Variants in ATXN3 observed in about 807,000 individuals in gnomAD.
The protein encoded by ATXN3 is ataxin-3.
ATXN3 carries 28 observed loss-of-function variants against 58.2 expected under a neutral mutation model. That is an observed-to-expected ratio of 0.48 (90% CI 0.36 to 0.66). The LOEUF is 0.66. Ranked by LOEUF, ATXN3 falls within the 30% of genes least tolerant of loss-of-function variation. ATXN3 has a pLI of 0.00. For synonymous variants in ATXN3, 113 were observed against 138.5 expected (o/e 0.82, Z 1.29); for missense variants, 321 against 422.1 (o/e 0.76, Z 2.10).
chr14:92,068,677 G>A (rs1220311173), intron 10 of ATXN3, among the ~76,000 whole-genome samples: 1 of 151,872 alleles, frequency 6.6e-6, no homozygotes, highest in Non-Finnish European at 1.5e-5. Flanking sequence ...TGCAACCTTC[G>A]CTTCCCGGGA....
chr14:92,099,338 G>C (rs2066165051), intron 1 of ATXN3, among the ~76,000 whole-genome samples: 1 of 152,188 alleles, frequency 6.6e-6, no homozygotes, highest in Admixed American at 6.5e-5. Context: ...GTGTATAATG[G>C]AATAGGAAGA....
downstream of ATXN3, among the ~76,000 whole-genome samples, chr14:92,057,031 G>A (rs894946242): frequency 6.6e-6 from 1 of 152,200 alleles, no homozygotes; most frequent in South Asian, 2.1e-4. Flanking sequence ...ACTCCCATTG[G>A]CACCATGACA....
chr14:92,058,173 C>CT (rs1254165415), downstream of ATXN3: 1 of 152,212 alleles, frequency 6.6e-6, no homozygotes, highest in African/African-American at 2.4e-5. Context: ...ATATTCATCA[C>CT]TGCAGCTGGT....
At chr14:92,067,581 G>C (rs2058671188) in intron 10 of ATXN3, among the ~76,000 whole-genome samples, 1 of 152,168 alleles carries the variant, frequency 6.6e-6, no homozygotes, top group Non-Finnish European at 1.5e-5. Flanking sequence ...ATTTTTAGTA[G>C]AGACAGGGTT....
chr14:92,098,706 T>C lies in ATXN3; in HGVS notation c.25-1868A>G, dbSNP rs989091553. Among the ~76,000 whole-genome samples the C allele has an allele frequency of 3.9e-5, 6 of 152,234 alleles. No individual in the cohort carries two copies. In the East Asian group the frequency reaches 1.2e-3, roughly 29 times the overall value. ...TCCATGTTAAAACTTGCAGTTACAGTGCTGAAGTTCTCTTCATGGAACTCT... is the reference window on the plus strand; with the variant it reads ...TCCATGTTAAAACTTGCAGTTACAGCGCTGAAGTTCTCTTCATGGAACTCT... On this transcript the variant is annotated intron_variant, in intron 1 of 10. Transcript: ENST00000644486.
chr14:92,064,450 C>A, intron 10 of ATXN3, 36 bp from the exon 11 acceptor site: 1 of 1,481,178 alleles, frequency 6.8e-7, no homozygotes, highest in Non-Finnish European at 9.3e-7. Context: ...TTTAAAATTT[C>A]CAGAAAATTC....
At chr14:92,088,524 A>G (rs1407971772) in intron 6 of ATXN3, among the ~76,000 whole-genome samples, 1 of 152,240 alleles carries the variant, frequency 6.6e-6, no homozygotes, top group Non-Finnish European at 1.5e-5. Flanking sequence ...CAAAGAAAGC[A>G]GCATCCTCAG....
chr14:92,070,922 G>A lies in ATXN3; in HGVS notation c.991+13C>T. ...GAAGGTAGCGAACATGATGAATGGTGAGCAGGCCTTACCTAGATCACTCCC... is the reference window on the plus strand; with the variant it reads ...GAAGGTAGCGAACATGATGAATGGTAAGCAGGCCTTACCTAGATCACTCCC... On this transcript the variant is annotated intron_variant, in intron 10 of 10. Transcript: ENST00000644486. The A allele has an allele frequency of 6.2e-7, 1 of 1,613,578 alleles. No homozygotes were observed. Among genetic ancestry groups the A allele is most frequent in the Non-Finnish European group, 8.5e-7 (1 of 1,179,910 alleles).
At chr14:92,074,423 C>A (rs547971490) in intron 9 of ATXN3, among the ~76,000 whole-genome samples, 1 of 152,348 alleles carries the variant, frequency 6.6e-6, no homozygotes, top group African/African-American at 2.4e-5. Context: ...AGATGCCAGT[C>A]CCAAAATTCT....
Position 92,063,873 on chromosome 14 carries a change from T to C in ATXN3, c.*447A>G, listed in dbSNP as rs1319815190. 1.3e-5 allele frequency: 2 copies of C among 155,056 alleles called. No homozygotes were observed. Among genetic ancestry groups the C allele is most frequent in the African/African-American group, 2.4e-5 (1 of 41,454 alleles). The allele number at this position is 155,056 out of a possible 1,614,324, so 9.6% of individuals were successfully genotyped here. A position where few individuals can be genotyped will look rare whatever the true frequency, so the allele number is the denominator to read the frequency against. ...ATTATCAACATCAGGAAAGTAGAGA[T>C]ACTTTCCTGAAAGGTTAATTTGGTT... is the stretch of plus-strand genomic sequence containing the variant. On this transcript the variant is annotated 3_prime_UTR_variant, in exon 11 of 11. Transcript: ENST00000644486.
intron 1 of ATXN3, among the ~76,000 whole-genome samples, chr14:92,097,477 C>T (rs1479468755): frequency 2.7e-5 from 4 of 150,466 alleles, no homozygotes; most frequent in African/African-American, 7.3e-5. Flanking sequence ...CCGCCTGCCT[C>T]GGCCTCCAAA....
In ATXN3 at chr14:92,083,191, A is replaced by T. The variant is rs150738718; in HGVS notation, c.543T>A (p.Ile181=). The T allele has an allele frequency of 3.8e-5, 61 of 1,613,840 alleles. No homozygotes were observed. In the Admixed American group the frequency reaches 5.2e-4, roughly 14 times the overall value. ...TTGGTCGATGCATCTGTTGGACCCT[A>T]ATCATCTGCAGGAGTTGGTCAGCTT... is the stretch of plus-strand genomic sequence containing the variant. ...DCEADQLLQM[I]RVQQMHRPKL... Residue 181 remains isoleucine (I), a synonymous_variant, in exon 7 of 11, where the codon ATT becomes ATA. Transcript: ENST00000644486.
intron 9 of ATXN3, chr14:92,079,482 C>G: frequency 1.0e-6 from 1 of 972,032 alleles, no homozygotes; most frequent in Non-Finnish European, 1.2e-6. Context: ...AAAAACAAAA[C>G]AGAAAAAAAG....
Position 92,071,010 on chromosome 14 carries a change from C to CTGCTGCTGCTG in ATXN3, c.915_916insCAGCAGCAGCA (p.Gly306GlnfsTer29), listed in dbSNP as rs1555397062. 456 of 1,457,008 alleles carry CTGCTGCTGCTG rather than the reference C, an allele frequency of 3.1e-4. 5 individuals are homozygous for CTGCTGCTGCTG. In the East Asian group the frequency reaches 6.6e-3, roughly 21 times the overall value. The allele number at this position is 1,457,008 out of a possible 1,614,324, so 90.3% of individuals were successfully genotyped here. On this transcript the variant is annotated frameshift_variant, in exon 10 of 11. Coordinates refer to ENST00000644486, the MANE Select transcript of ATXN3 (RefSeq NM_004993.6). LOFTEE classifies it high-confidence loss of function. ...TGTGAACTCTGTCCTGATAGGTCCC[C>CTGCTGCTGCTG]CTGCTGCTGCTGCTGCTGCTGCTGT...
At chr14:92,071,195 A>G (rs1333884238) in intron 9 of ATXN3, 142 bp from the exon 10 acceptor site, 2 of 1,243,478 alleles carry the variant, frequency 1.6e-6, no homozygotes, top group African/African-American at 3.0e-5. Flanking sequence ...AAGAGCAGTT[A>G]GTCTGATACA....
intron 10 of ATXN3, among the ~76,000 whole-genome samples, chr14:92,069,788 T>C (rs1156427436): frequency 1.3e-5 from 2 of 152,222 alleles, no homozygotes; most frequent in East Asian, 3.8e-4. Context: ...ATCAAAAAAA[T>C]GCCAAACTGT....
chr14:92,093,093 C>T (rs1231377490), intron 5 of ATXN3, among the ~76,000 whole-genome samples, 159 bp downstream of exon 5: 2 of 150,522 alleles, frequency 1.3e-5, no homozygotes, highest in African/African-American at 2.4e-5. Flanking sequence ...ACAGGACCTC[C>T]CTTTGTTGCC....
intron 10 of ATXN3, among the ~76,000 whole-genome samples, chr14:92,067,417 G>C (rs964465323): frequency 1.3e-5 from 2 of 152,118 alleles, no homozygotes; most frequent in Admixed American, 1.3e-4. Flanking sequence ...CACAAATTTA[G>C]ATGGAGTCTT....
Position 92,106,541 on chromosome 14 carries a change from G to A in ATXN3, c.12C>T (p.Ile4=). The A allele has an allele frequency of 6.2e-7, 1 of 1,613,422 alleles. No individual in the cohort carries two copies. The highest frequency in any genetic ancestry group is 8.5e-7 in the Non-Finnish European group (1 of 1,179,588). The change falls in exon 1 of 11, where the codon ATC becomes ATT. Residue 4 remains isoleucine (I), a synonymous_variant. Transcript: ENST00000644486. MES[I]FHEKQEGSLC... The stretch of plus-strand genomic sequence containing the variant: ...CGCGGACACTCACTTTCTCGTGGAA[G>A]ATGGACTCCATGTTTATTTGTCTGG...
Sources: gnomAD v4.1 joint callset for allele counts (sites outside exome capture counted in the v4.1 genomes callset) on GRCh38, gnomAD v4.1.1 for gene constraint, MANE v1.5 for transcripts, NCBI Gene and HGNC (gene_info 2026-07-23, HGNC 2026-07-21) for gene names.